APOLD1: variants seen among roughly 807,000 people sequenced by gnomAD.
APOLD1 encodes apolipoprotein L domain containing 1, also known as apolipoprotein L domain-containing protein 1.
Under a neutral mutation model 15.3 loss-of-function variants are expected in APOLD1, and 22 were observed. The observed-to-expected ratio is 1.44, with a 90% CI of 1.03 to 2.05. The LOEUF (loss-of-function observed/expected upper bound fraction) is 2.05, where lower values mean the gene tolerates loss of function less well. APOLD1 is among the 30% of genes most tolerant of loss of function. APOLD1 has a pLI of 0.00. For missense variants in APOLD1, 394 were observed against 353.5 expected (o/e 1.11, Z -0.92); for synonymous variants, 190 against 167.4 (o/e 1.13, Z -1.04).
rs191428088 is a variant in APOLD1 at position 12,758,145 on chromosome 12, C to T, written c.97-28764C>T. On this transcript the variant is annotated intron_variant, in intron 1 of 1. Transcript: ENST00000326765. ...TAGAGACGGGGTTTCACTGTGTTAG[C>T]CAGGATGTTCTCCATCTCCTGACCT... Among the ~76,000 whole-genome samples, 635 of 149,032 alleles carry T rather than the reference C, an allele frequency of 4.3e-3. 5 individuals carry two copies. Among genetic ancestry groups the T allele is most frequent in the African/African-American group, 0.015 (600 of 40,406 alleles).
chr12:12,772,789 T>C (rs1466377779), intron 1 of APOLD1, among the ~76,000 whole-genome samples: 1 of 152,232 alleles, frequency 6.6e-6, no homozygotes, highest in Non-Finnish European at 1.5e-5. Context: ...TAATGTCTAC[T>C]CTCAGACCAC....
intron 1 of APOLD1, among the ~76,000 whole-genome samples, chr12:12,766,120 C>T (rs932800290): frequency 6.6e-6 from 1 of 152,166 alleles, no homozygotes; most frequent in African/African-American, 2.4e-5. Context: ...ACAAAACAAA[C>T]TTTCTCTGCT....
rs916260572 is a variant in APOLD1, at chr12:12,785,703, G to A, written c.3+9G>A. On this transcript the variant is annotated intron_variant, in intron 1 of 1. Transcript: ENST00000356591. ...GCAGACAGAAGTGAATGGTAAGTGG[G>A]GAACCCTGAGGCATATATTCGGGAT... 1.2e-6 allele frequency: 2 copies of A among 1,612,202 alleles called. No individual in the cohort carries two copies. The highest frequency in any genetic ancestry group is 1.7e-5 in the Admixed American group (1 of 60,016).
intron 1 of APOLD1, among the ~76,000 whole-genome samples, chr12:12,738,886 A>C (rs558758404): frequency 6.6e-6 from 1 of 152,366 alleles, no homozygotes; most frequent in Admixed American, 6.5e-5. Flanking sequence ...AGGCGATGCC[A>C]CACCAACTCT....
At chr12:12,782,061 C>A (rs1249843117), upstream of APOLD1, among the ~76,000 whole-genome samples, 16 of 151,630 alleles carry the variant, frequency 1.1e-4, no homozygotes, top group Admixed American at 1.1e-3. Flanking sequence ...GAGTTTGAGA[C>A]CAGTTTGGCC....
At chr12:12,741,347 C>G (rs1375827160) in intron 1 of APOLD1, among the ~76,000 whole-genome samples, 1 of 152,190 alleles carries the variant, frequency 6.6e-6, no homozygotes, top group African/African-American at 2.4e-5. Flanking sequence ...GCTGAGGCTA[C>G]AGGCATGTGC....
At chr12:12,771,935 G>A (rs1272041644) in intron 1 of APOLD1, among the ~76,000 whole-genome samples, 3 of 151,794 alleles carry the variant, frequency 2.0e-5, no homozygotes, top group African/African-American at 7.3e-5. Flanking sequence ...AATGTATATT[G>A]CAAACTCTGG....
intron 1 of APOLD1, among the ~76,000 whole-genome samples, chr12:12,777,923 T>TTTTTTTTTTTGTTGTTG (rs1555092183): frequency 8.2e-6 from 1 of 121,648 alleles, no homozygotes; most frequent in Non-Finnish European, 1.7e-5. Flanking sequence ...TTTTTTTTTT[T>TTTTTTTTTTTGTTGTTG]TTGTTGTTGT....
At chr12:12,730,984 A>T (rs1644119792) in intron 1 of APOLD1, among the ~76,000 whole-genome samples, 2 of 150,550 alleles carry the variant, frequency 1.3e-5, no homozygotes, top group South Asian at 2.1e-4. Context: ...TACTAAAAAT[A>T]AAAAAAATTA....
intron 1 of APOLD1, among the ~76,000 whole-genome samples, chr12:12,771,967 G>GA (rs980827256): frequency 1.3e-5 from 2 of 149,398 alleles, no homozygotes; most frequent in African/African-American, 2.5e-5. Context: ...AAAAAGGTTA[G>GA]AAAAAAAAGA....
chr12:12,742,341 C>A (rs1946734534), intron 1 of APOLD1, among the ~76,000 whole-genome samples: 1 of 152,194 alleles, frequency 6.6e-6, no homozygotes, highest in Non-Finnish European at 1.5e-5. Flanking sequence ...AAAAGATGTC[C>A]ATGGTAAGAA....
chr12:12,763,364 C>G (rs1946917138), intron 1 of APOLD1, among the ~76,000 whole-genome samples: 1 of 151,948 alleles, frequency 6.6e-6, no homozygotes, highest in African/African-American at 2.4e-5. Context: ...CTGTGAATTC[C>G]AAAATTTGGG....
At position 12,755,242 on chromosome 12, in the gene APOLD1, G is replaced by A. The variant is rs1021580142; in HGVS notation, c.96+29146G>A. Among the ~76,000 whole-genome samples the A allele has an allele frequency of 3.9e-5, 6 of 152,070 alleles. No individual in the cohort carries two copies. The East Asian group carries it at 5.8e-4, about 15-fold the overall frequency. Reference sequence around the variant, plus strand: ...TCTATCAGTAGTGCTGGGACAATTCGTTATATATAATGAGATCCCTAGCTC... The same window carrying A: ...TCTATCAGTAGTGCTGGGACAATTCATTATATATAATGAGATCCCTAGCTC... On this transcript the variant is annotated intron_variant, in intron 1 of 1. Coordinates refer to the APOLD1 transcript ENST00000326765.
intron 1 of APOLD1, among the ~76,000 whole-genome samples, chr12:12,741,297 C>T (rs1347091940): frequency 6.6e-6 from 1 of 152,204 alleles, no homozygotes; most frequent in African/African-American, 2.4e-5. Flanking sequence ...GTCTCAAACT[C>T]CTGGGCTCAA....
intron 1 of APOLD1, among the ~76,000 whole-genome samples, chr12:12,734,494 A>G (rs986413130): frequency 3.3e-5 from 5 of 152,214 alleles, no homozygotes; most frequent in African/African-American, 1.2e-4. Flanking sequence ...GCAGATGAGA[A>G]TATTCTAATT....
intron 1 of APOLD1, among the ~76,000 whole-genome samples, chr12:12,732,657 G>A (rs1226546569): frequency 1.5e-4 from 22 of 151,146 alleles, no homozygotes; most frequent in African/African-American, 5.1e-4. Flanking sequence ...CCTGGGAGGC[G>A]GAGGTTGAAG....
At chr12:12,734,932 G>GT (rs952399010) in intron 1 of APOLD1, among the ~76,000 whole-genome samples, 8 of 152,138 alleles carry the variant, frequency 5.3e-5, no homozygotes, top group African/African-American at 1.9e-4. Context: ...ATTTAGGTGA[G>GT]TGTTGTGAAG....
At chr12:12,732,584 G>A (rs1946648102) in intron 1 of APOLD1, among the ~76,000 whole-genome samples, 1 of 151,952 alleles carries the variant, frequency 6.6e-6, no homozygotes, top group African/African-American at 2.4e-5. Flanking sequence ...AATTAGCCAG[G>A]TGTGGTGGTG....
At chr12:12,760,402 C>A (rs1946889108) in intron 1 of APOLD1, among the ~76,000 whole-genome samples, 1 of 152,018 alleles carries the variant, frequency 6.6e-6, no homozygotes, top group South Asian at 2.1e-4. Context: ...GTTTGGGAGG[C>A]CGAAGTGGGC....
Sources: gnomAD v4.1 joint callset for allele counts (sites outside exome capture counted in the v4.1 genomes callset) on GRCh38, gnomAD v4.1.1 for gene constraint, MANE v1.5 for transcripts, NCBI Gene and HGNC (gene_info 2026-07-23, HGNC 2026-07-21) for gene names.